TCF4: variants seen among roughly 807,000 people sequenced by gnomAD.
TCF4 encodes SL3-3 enhancer factor 2.
TCF4 carries 3 observed loss-of-function variants against 82.1 expected under a neutral mutation model. The ratio of observed to expected loss-of-function variants is 0.04; its 90% confidence interval spans 0.02 to 0.09. The LOEUF is 0.09. Among genes scored for constraint, TCF4 ranks in the 10% least tolerant of loss-of-function variants. The pLI is 1.00. For missense variants in TCF4, 518 were observed against 852.7 expected (o/e 0.61, Z 4.89); for synonymous variants, 276 against 309.6 (o/e 0.89, Z 1.14).
intron 8 of TCF4, among the ~76,000 whole-genome samples, chr18:55,308,567 C>A (rs2071170717): frequency 6.6e-6 from 1 of 152,148 alleles, no homozygotes; most frequent in Non-Finnish European, 1.5e-5. Flanking sequence ...ATAAACATTT[C>A]TTGGTTGTCT....
chr18:55,228,248 A>G lies in TCF4; in HGVS notation c.1993T>C (p.Ser665Pro). 3.7e-6 allele frequency: 6 copies of G among 1,614,174 alleles called. No homozygotes were observed. Among genetic ancestry groups the G allele is most frequent in the Non-Finnish European group, 5.1e-6 (6 of 1,180,016 alleles). ...AGPHPGMGDA[S>P]NHMGQM ...TTTTACATCTGTCCCATGTGATTCGATGCGTCTCCCATTCCAGGGTGTGGG... is the reference window on the plus strand; with the variant it reads ...TTTTACATCTGTCCCATGTGATTCGGTGCGTCTCCCATTCCAGGGTGTGGG... The change falls in exon 19 of 20, where the codon TCG becomes CCG. Residue 665 changes from serine (S) to proline (P), a missense_variant. Ser to Pro is a moderately conservative substitution (Grantham distance 74). Around this residue, in one of 7 missense-constraint regions of TCF4, gnomAD observed 40 missense variants for 41.5 expected, o/e 0.96. Transcript: ENST00000354452.
At chr18:55,577,185 T>C (rs950470472) in intron 3 of TCF4, among the ~76,000 whole-genome samples, 3 of 113,286 alleles carry the variant, frequency 2.6e-5, no homozygotes, top group African/African-American at 1.0e-4. Context: ...TATTTATAAA[T>C]GTATATATAC....
intron 5 of TCF4, among the ~76,000 whole-genome samples, chr18:55,439,806 G>A (rs1046249634): frequency 1.3e-5 from 2 of 152,082 alleles, no homozygotes; most frequent in Non-Finnish European, 2.9e-5. Context: ...CACTGCAACC[G>A]CCGCCTCCTG....
intron 2 of TCF4, among the ~76,000 whole-genome samples, chr18:55,630,418 G>T (rs1425252444): frequency 6.6e-6 from 1 of 152,064 alleles, no homozygotes; most frequent in Non-Finnish European, 1.5e-5. Context: ...ATAACATAAA[G>T]GCCCCTGACC....
chr18:55,272,189 G>A (rs992569235), intron 10 of TCF4, among the ~76,000 whole-genome samples: 1 of 151,996 alleles, frequency 6.6e-6, no homozygotes, highest in Non-Finnish European at 1.5e-5. Context: ...ATAAAGGAGT[G>A]AACCAATGGA....
intron 8 of TCF4, among the ~76,000 whole-genome samples, chr18:55,330,259 C>A (rs1489521335): frequency 6.9e-6 from 1 of 145,910 alleles, no homozygotes; most frequent in Non-Finnish European, 1.5e-5. Flanking sequence ...CGGCTCACTG[C>A]AACCTCTACC....
chr18:55,501,388 T>TAAA (rs1435965568), intron 3 of TCF4, among the ~76,000 whole-genome samples: 28 of 152,158 alleles, frequency 1.8e-4, no homozygotes, highest in Non-Finnish European at 2.6e-4. Flanking sequence ...AACGGCTTTG[T>TAAA]TTACAAATAT....
intron 5 of TCF4, among the ~76,000 whole-genome samples, chr18:55,407,527 CTAAAGCCTATATT>C (rs1173312346): frequency 3.3e-5 from 5 of 151,752 alleles, no homozygotes; most frequent in African/African-American, 1.2e-4. Flanking sequence ...CCGTCCGCTG[CTAAAGCCTATATT>C]TAAATTTGAT....
At chr18:55,406,271 C>T (rs1440633052) in intron 5 of TCF4, among the ~76,000 whole-genome samples, 1 of 151,614 alleles carries the variant, frequency 6.6e-6, no homozygotes, top group Admixed American at 6.6e-5. Context: ...AACTTTATTA[C>T]ATCTTTTTGT....
In TCF4 at chr18:55,225,087, T is replaced by C. The variant is rs1397000273; in HGVS notation, c.*2948A>G. The C allele has an allele frequency of 6.6e-6, 1 of 152,212 alleles. No individual in the cohort carries two copies. The highest frequency in any genetic ancestry group is 2.4e-5 in the African/African-American group (1 of 41,450). 9.4% of individuals were successfully genotyped at this position (152,212 alleles called of 1,614,324 possible). On this transcript the variant is annotated 3_prime_UTR_variant, in exon 20 of 20. Coordinates refer to ENST00000354452, the MANE Select transcript of TCF4 (RefSeq NM_001083962.2). ...AAAAAGGCCACATTCCCTTTTTTTC[T>C]TTTTTAATGGGGATACAACCCAATT...
Position 55,503,168 on chromosome 18 carries a change from C to A in TCF4, c.146-39031G>T, listed in dbSNP as rs551903018. Among the ~76,000 whole-genome samples, 22 of 152,288 alleles carry A rather than the reference C, an allele frequency of 1.4e-4. No individual in the cohort carries two copies. In the South Asian group the frequency reaches 4.6e-3, roughly 32 times the overall value. ...ACCGCTAAAATAAAAGTGATCCTCACCAACAAAACAAAATAATTTAGTTAT... is the reference window on the plus strand; with the variant it reads ...ACCGCTAAAATAAAAGTGATCCTCAACAACAAAACAAAATAATTTAGTTAT... On this transcript the variant is annotated intron_variant, in intron 3 of 19. Transcript: ENST00000354452.
intron 2 of TCF4, among the ~76,000 whole-genome samples, chr18:55,608,512 A>T (rs577270374): frequency 6.6e-6 from 1 of 151,996 alleles, no homozygotes; most frequent in African/African-American, 2.4e-5. Flanking sequence ...AGTCTGTATG[A>T]GCCATTTAAA....
Position 55,375,852 on chromosome 18 carries a change from C to T in TCF4, c.370-24849G>A, listed in dbSNP as rs2090587475. Among the ~76,000 whole-genome samples the T allele has an allele frequency of 2.0e-5, 3 of 151,858 alleles. No homozygotes were observed. In the South Asian group the frequency reaches 6.3e-4, roughly 32 times the overall value. The stretch of plus-strand genomic sequence containing the variant: ...CTGAAGCCACAAAAGAAAATTTTTA[C>T]AAATAGGGAGTAGGAGAGAGGGAAA... On this transcript the variant is annotated intron_variant, in intron 6 of 19. Transcript: ENST00000354452.
At chr18:55,367,906 AT>A (rs1569219147) in intron 6 of TCF4, among the ~76,000 whole-genome samples, 1 of 152,248 alleles carries the variant, frequency 6.6e-6, no homozygotes, top group African/African-American at 2.4e-5. Context: ...GCAACCTCCA[AT>A]GAAATAATCA....
chr18:55,246,301 G>C (rs2090012438), intron 15 of TCF4, among the ~76,000 whole-genome samples: 1 of 151,752 alleles, frequency 6.6e-6, no homozygotes, highest in South Asian at 2.1e-4. Flanking sequence ...CAAGGTTTTT[G>C]TCTTTGATTT....
chr18:55,631,358 T>A, exon 2 of TCF4: 1 of 1,548,446 alleles, frequency 6.5e-7, no homozygotes, highest in Non-Finnish European at 8.7e-7. Flanking sequence ...CAAGAGATAA[T>A]GTTCTTAGAT....
chr18:55,616,945 TTC>T (rs2097712726), intron 2 of TCF4, among the ~76,000 whole-genome samples: 2 of 152,142 alleles, frequency 1.3e-5, no homozygotes, highest in Non-Finnish European at 2.9e-5. Flanking sequence ...TTTTATGTAG[TTC>T]TACTTGTCCA....
intron 2 of TCF4, among the ~76,000 whole-genome samples, chr18:55,611,701 A>G (rs765889152): frequency 6.6e-6 from 1 of 152,216 alleles, no homozygotes; most frequent in Non-Finnish European, 1.5e-5. Flanking sequence ...TTGATAATAT[A>G]TTTTATTGAA....
intron 8 of TCF4, among the ~76,000 whole-genome samples, chr18:55,283,420 G>C (rs955632458): frequency 6.6e-6 from 1 of 152,104 alleles, no homozygotes; most frequent in Non-Finnish European, 1.5e-5. Context: ...CATTTTTACT[G>C]GTCTTGGCAT....
Sources: gnomAD v4.1 joint callset for allele counts (sites outside exome capture counted in the v4.1 genomes callset) on GRCh38, gnomAD v4.1.1 for gene constraint, gnomAD v4.1.1 regional missense constraint, MANE v1.5 for transcripts, NCBI Gene and HGNC (gene_info 2026-07-23, HGNC 2026-07-21) for gene names.